MGAM2: variants seen among roughly 807,000 people sequenced by gnomAD.
MGAM2 encodes probable maltase-glucoamylase 2.
A neutral mutation model predicts 96.1 loss-of-function variants in MGAM2; 98 were observed. The ratio of observed to expected loss-of-function variants is 1.02; its 90% CI spans 0.87 to 1.21. The LOEUF (loss-of-function observed/expected upper bound fraction) is 1.21, where lower values mean the gene tolerates loss of function less well. MGAM2 is among the 50% of genes most tolerant of loss of function. The pLI, the probability that MGAM2 is intolerant of heterozygous loss-of-function variation, is 0.00. For synonymous variants in MGAM2, 749 were observed against 414.8 expected, an observed-to-expected ratio of 1.81 and a Z score of -9.79; for missense variants, 2,055 against 1,182.4, an observed-to-expected ratio of 1.74 and a Z score of -10.82.
In MGAM2 at chr7:142,197,532, C is replaced by T. The variant is rs1256930355; in HGVS notation, c.4765C>T (p.Arg1589Trp). 1.4e-5 allele frequency: 10 copies of T among 703,122 alleles called. No homozygotes were observed. Among genetic ancestry groups the T allele is most frequent in the South Asian group, 4.4e-5 (3 of 67,586 alleles). The allele number at this position is 703,122 out of a possible 1,614,324, so 43.6% of individuals were successfully genotyped here. ...TCACGTTGAGGGCAGCACAGTTGTC[C>T]GGCCCCTTCTCCATGAGTGAGTACA... ...KAHVEGSTVV[R>W]PLLHEFTDDR... Residue 1589 changes from arginine to tryptophan, a missense_variant, in exon 41 of 48, where the codon CGG (arginine) becomes TGG (tryptophan). Arg to Trp is a moderately radical substitution (Grantham distance 101, BLOSUM62 -3). Transcript: ENST00000477922.
At chr7:142,206,473 A>G (rs1309766168) in intron 45 of MGAM2, among the ~76,000 whole-genome samples, 1 of 152,156 alleles carries the variant, frequency 6.6e-6, no homozygotes, top group Non-Finnish European at 1.5e-5. Flanking sequence ...CTGGTTGAGG[A>G]TCAATGTTTT....
intron 3 of MGAM2, among the ~76,000 whole-genome samples, chr7:142,123,612 CT>C (rs1038697484): frequency 6.6e-6 from 1 of 151,914 alleles, no homozygotes; most frequent in Non-Finnish European, 1.5e-5. Flanking sequence ...AACTTTTTGC[CT>C]TTTTTTCTAC....
At chr7:142,155,142 T>C (rs1795700474) in intron 17 of MGAM2, among the ~76,000 whole-genome samples, 1 of 152,320 alleles carries the variant, frequency 6.6e-6, no homozygotes, top group South Asian at 2.1e-4. Context: ...GATAGGACAA[T>C]TGGAATTTGT....
intron 9 of MGAM2, among the ~76,000 whole-genome samples, chr7:142,137,989 C>A (rs537567505): frequency 2.6e-5 from 4 of 152,198 alleles, no homozygotes; most frequent in Admixed American, 2.6e-4. Flanking sequence ...CCAAGGTGGG[C>A]GAATCACTTG....
At chr7:142,169,785 A>G (rs957976049) in intron 26 of MGAM2, among the ~76,000 whole-genome samples, 2 of 152,140 alleles carry the variant, frequency 1.3e-5, no homozygotes, top group African/African-American at 4.8e-5. Context: ...ACTTACAAAC[A>G]TATACACACA....
chr7:142,171,183 G>C, intron 27 of MGAM2, 89 bp from the exon 28 acceptor site: 1 of 697,848 alleles, frequency 1.4e-6, no homozygotes, highest in Non-Finnish European at 2.6e-6. Flanking sequence ...AATTAAGGAG[G>C]CTTTGGAATC....
chr7:142,133,099 C>G (rs1794950742), intron 6 of MGAM2, among the ~76,000 whole-genome samples: 1 of 132,080 alleles, frequency 7.6e-6, no homozygotes, highest in South Asian at 2.4e-4. Flanking sequence ...ATTTAATAGA[C>G]ATTAATTTAT....
intron 46 of MGAM2, among the ~76,000 whole-genome samples, chr7:142,215,387 C>T (rs1797725023): frequency 6.6e-6 from 1 of 151,758 alleles, no homozygotes; most frequent in South Asian, 2.1e-4. Context: ...CAGCAAACCA[C>T]CATGGCACAT....
Position 142,218,487 on chromosome 7 carries a change from C to T in MGAM2, c.5314C>T (p.Arg1772Trp), listed in dbSNP as rs1049430701. Residue 1772 changes from arginine (R) to tryptophan (W), a missense_variant, in exon 47 of 48, where the codon CGG (arginine) becomes TGG (tryptophan). Physicochemically the swap from Arg to Trp is moderately radical, Grantham distance 101 (BLOSUM62 -3). Coordinates refer to ENST00000477922, the MANE Select transcript of MGAM2 (RefSeq NM_001293626.2). ...ACAAGTCAGTTTCACCTATGACAAC[C>T]GGCAATTTATGGAGACAAATTTCAA... ...VTQVSFTYDN[R>W]QFMETNFKSE... 8.1e-5 allele frequency: 57 copies of T among 700,322 alleles called. No homozygotes were observed. Among genetic ancestry groups the T allele is most frequent in the Middle Eastern group, 4.6e-4 (2 of 4,382 alleles). 43.4% of individuals were successfully genotyped at this position (700,322 alleles called of 1,614,324 possible).
At position 142,171,376 on chromosome 7, in the gene MGAM2, C is replaced by G. The variant is rs111852582; in HGVS notation, c.3287C>G (p.Thr1096Arg). The G allele has an allele frequency of 1.4e-6, 1 of 703,036 alleles. No homozygotes were observed. The highest frequency in any genetic ancestry group is 1.5e-5 in the South Asian group (1 of 67,568). 43.5% of individuals were successfully genotyped at this position (703,036 alleles called of 1,614,324 possible). A position where few individuals can be genotyped will look rare whatever the true frequency, so the allele number is the denominator to read the frequency against. The change falls in exon 28 of 48, where the codon ACG becomes AGG. Residue 1096 changes from threonine to arginine, a missense_variant. By Grantham distance (71) the Thr-to-Arg change is moderately conservative. Coordinates refer to ENST00000477922, the MANE Select transcript of MGAM2 (RefSeq NM_001293626.2). The stretch of plus-strand genomic sequence containing the variant: ...TATGGCTTTGGGGAAACTGAGCACA[C>G]GACTTTCAGAAGAAACATGAACTGG... The part of the protein sequence containing the change: ...YIYGFGETEH[T>R]TFRRNMNWNT...
intron 37 of MGAM2, among the ~76,000 whole-genome samples, chr7:142,193,019 T>C (rs75858817): frequency 0.05 from 7,652 of 152,274 alleles, 549 homozygotes; most frequent in East Asian, 0.17. Context: ...TTTTCATCAA[T>C]ATTTGAAAAT....
At chr7:142,122,825 T>C (rs374129413) in intron 3 of MGAM2, among the ~76,000 whole-genome samples, 3 of 152,288 alleles carry the variant, frequency 2.0e-5, no homozygotes, top group Admixed American at 1.3e-4. Flanking sequence ...CTATTAAATA[T>C]GTTTTTGTTG....
At chr7:142,210,584 T>C (rs1473395887) in intron 46 of MGAM2, among the ~76,000 whole-genome samples, 1 of 152,106 alleles carries the variant, frequency 6.6e-6, no homozygotes, top group Non-Finnish European at 1.5e-5. Context: ...AAGTTCGAAC[T>C]GGGCAGAGCC....
At chr7:142,194,687 CAT>C (rs72079827) in intron 37 of MGAM2, among the ~76,000 whole-genome samples, 1,897 of 118,178 alleles carry the variant, frequency 0.016, 18 homozygotes, top group East Asian at 0.033. Flanking sequence ...TTTAATAGAA[CAT>C]GTGTGTATGT....
chr7:142,126,736 T>C (rs1794743339), intron 3 of MGAM2, among the ~76,000 whole-genome samples: 1 of 152,162 alleles, frequency 6.6e-6, no homozygotes, highest in Non-Finnish European at 1.5e-5. Context: ...TTGTTTCCCT[T>C]TTTTGTCAAA....
chr7:142,171,985 G>T (rs1796209901), intron 28 of MGAM2, 113 bp from the exon 29 acceptor site: 2 of 462,036 alleles, frequency 4.3e-6, no homozygotes, highest in Admixed American at 2.8e-5. Flanking sequence ...GCCCAACAAA[G>T]GACATGACAT....
intron 14 of MGAM2, among the ~76,000 whole-genome samples, chr7:142,145,577 A>T (rs13245414): frequency 0.046 from 7,013 of 152,236 alleles, 246 homozygotes; most frequent in Non-Finnish European, 0.073. Context: ...AGAATACACT[A>T]TGCTCTGGCA....
At chr7:142,179,018 CTGT>C (rs1397101558) in intron 32 of MGAM2, among the ~76,000 whole-genome samples, 2 of 151,822 alleles carry the variant, frequency 1.3e-5, no homozygotes, top group Non-Finnish European at 2.9e-5. Context: ...TCTATCCTTT[CTGT>C]TGTTGTCGTA....
chr7:142,139,723 A>G (rs544798699), intron 10 of MGAM2, among the ~76,000 whole-genome samples: 23 of 151,538 alleles, frequency 1.5e-4, no homozygotes, highest in Admixed American at 1.1e-3. Flanking sequence ...ACATATGGAC[A>G]TGGCTTTGGC....
Sources: gnomAD v4.1 joint callset for allele counts (sites outside exome capture counted in the v4.1 genomes callset) on GRCh38, gnomAD v4.1.1 for gene constraint, MANE v1.5 for transcripts, NCBI Gene and HGNC (gene_info 2026-07-23, HGNC 2026-07-21) for gene names.